NRXN1: variants seen among roughly 807,000 people sequenced by gnomAD.
NRXN1 encodes neurexin 1, also known as neurexin-1.
A neutral mutation model predicts 150.9 loss-of-function variants in NRXN1; 39 were observed. The ratio of observed to expected loss-of-function variants is 0.26; its 90% CI spans 0.20 to 0.34. The LOEUF (loss-of-function observed/expected upper bound fraction) is 0.34. Ranked by LOEUF, NRXN1 falls within the 10% of genes least tolerant of loss-of-function variation. NRXN1 has a pLI of 1.00. For missense variants in NRXN1, 1,815 were observed against 1,949.9 expected (o/e 0.93, Z 1.30); for synonymous variants, 924 against 757.0 (o/e 1.22, Z -3.62).
intron 8 of NRXN1, among the ~76,000 whole-genome samples, chr2:50,613,506 C>T (rs1445319683): frequency 6.6e-6 from 1 of 152,184 alleles, no homozygotes; most frequent in African/African-American, 2.4e-5. Flanking sequence ...AGCCTGTAGC[C>T]ACAGTCAGTC....
chr2:50,188,918 G>A (rs913992426), intron 18 of NRXN1, among the ~76,000 whole-genome samples: 1 of 152,124 alleles, frequency 6.6e-6, no homozygotes, highest in Non-Finnish European at 1.5e-5. Flanking sequence ...AACTGTTTTT[G>A]GGAGTGTAAA....
At chr2:50,560,596 T>C (rs988445762) in intron 8 of NRXN1, among the ~76,000 whole-genome samples, 4 of 151,916 alleles carry the variant, frequency 2.6e-5, no homozygotes, top group African/African-American at 9.7e-5. Context: ...CCACGCCCGG[T>C]TAATTTTGGA....
rs561017227 is a variant in NRXN1 at position 50,972,631 on chromosome 2, G to A, written c.773-46676C>T. On this transcript the variant is annotated intron_variant, in intron 2 of 22. Transcript: ENST00000401669. ...AGTGGGAGACTTAGCTTGTTTTCCT[G>A]CAACTAGATGGTCTCATCTAGGGGT... Among the ~76,000 whole-genome samples the A allele has an allele frequency of 5.3e-5, 8 of 152,078 alleles. No homozygotes were observed. In the South Asian group the frequency reaches 8.3e-4, roughly 16 times the overall value.
chr2:50,281,806 C>T (rs910305443), intron 17 of NRXN1, among the ~76,000 whole-genome samples: 2 of 152,068 alleles, frequency 1.3e-5, no homozygotes, highest in African/African-American at 4.8e-5. Flanking sequence ...AGTTTCAGTG[C>T]TCAAGAACAA....
chr2:50,484,453 C>A (rs1340331853), intron 15 of NRXN1, among the ~76,000 whole-genome samples: 1 of 152,140 alleles, frequency 6.6e-6, no homozygotes, highest in Non-Finnish European at 1.5e-5. Context: ...GATCCCTCCT[C>A]CAGGTCAGGG....
chr2:50,224,811 G>C (rs2064220112), intron 18 of NRXN1, among the ~76,000 whole-genome samples: 1 of 151,648 alleles, frequency 6.6e-6, no homozygotes, highest in Non-Finnish European at 1.5e-5. Flanking sequence ...CTACAGGACA[G>C]TTTTTTGTTT....
chr2:50,630,517 G>T (rs1311492972), intron 5 of NRXN1, among the ~76,000 whole-genome samples: 2 of 151,626 alleles, frequency 1.3e-5, no homozygotes, highest in East Asian at 1.9e-4. Context: ...TAAATAATCT[G>T]CAAGGAAATT....
At chr2:50,298,703 G>A (rs576227628) in intron 17 of NRXN1, among the ~76,000 whole-genome samples, 1 of 152,038 alleles carries the variant, frequency 6.6e-6, no homozygotes, top group Non-Finnish European at 1.5e-5. Flanking sequence ...TTTCTGCTAA[G>A]TACACAGTTG....
At chr2:50,960,523 G>A (rs1692999501) in intron 2 of NRXN1, among the ~76,000 whole-genome samples, 1 of 152,044 alleles carries the variant, frequency 6.6e-6, no homozygotes, top group South Asian at 2.1e-4. Flanking sequence ...ACCCCAAGCT[G>A]GTGAAGTTGG....
intron 18 of NRXN1, among the ~76,000 whole-genome samples, chr2:50,096,755 G>A (rs1212838414): frequency 6.6e-6 from 1 of 152,134 alleles, no homozygotes; most frequent in African/African-American, 2.4e-5. Flanking sequence ...GCTCATTTCT[G>A]AATAAAGATT....
Position 50,195,979 on chromosome 2 carries a change from T to C in NRXN1, c.3546+40810A>G, listed in dbSNP as rs2061734904. On this transcript the variant is annotated intron_variant, in intron 18 of 22. Transcript: ENST00000401669. ...TTTTATTTTTTATTTTTTAATTTTA[T>C]TTTAAGTTCTGGGGTACATGCACAG... Among the ~76,000 whole-genome samples, 4 of 152,192 alleles carry C rather than the reference T, an allele frequency of 2.6e-5. No homozygotes were observed. The South Asian group carries it at 8.3e-4, about 32-fold the overall frequency.
intron 18 of NRXN1, among the ~76,000 whole-genome samples, chr2:50,156,313 T>C (rs2059019184): frequency 6.6e-6 from 1 of 151,870 alleles, no homozygotes; most frequent in African/African-American, 2.4e-5. Flanking sequence ...ATAAGTAGGA[T>C]AGCAAGTAAT....
At chr2:50,214,184 T>C (rs940927863) in intron 18 of NRXN1, among the ~76,000 whole-genome samples, 1 of 151,956 alleles carries the variant, frequency 6.6e-6, no homozygotes, top group Admixed American at 6.6e-5. Context: ...TCTTCTTTTA[T>C]TTTAATTCAA....
intron 5 of NRXN1, among the ~76,000 whole-genome samples, chr2:50,837,683 T>C: frequency 6.6e-6 from 1 of 152,126 alleles, no homozygotes; most frequent in East Asian, 1.9e-4. Context: ...ATTTGTATTA[T>C]ATGAGATGCA....
intron 5 of NRXN1, among the ~76,000 whole-genome samples, chr2:50,708,518 C>G (rs1270482246): frequency 6.6e-6 from 1 of 152,100 alleles, no homozygotes; most frequent in African/African-American, 2.4e-5. Flanking sequence ...CTTAAAGTAC[C>G]TGGTAAAAGG....
At chr2:50,438,638 T>A (rs1572972763) in intron 17 of NRXN1, among the ~76,000 whole-genome samples, 1 of 152,342 alleles carries the variant, frequency 6.6e-6, no homozygotes, top group Non-Finnish European at 1.5e-5. Context: ...CCATGTTTTT[T>A]AATTTTTGAT....
intron 18 of NRXN1, among the ~76,000 whole-genome samples, chr2:50,200,229 C>T (rs187086987): frequency 6.6e-6 from 1 of 152,218 alleles, no homozygotes; most frequent in Admixed American, 6.5e-5. Flanking sequence ...CATTTGCTGC[C>T]TACTAGACTT....
At chr2:50,835,754 C>T (rs1672017583) in intron 5 of NRXN1, among the ~76,000 whole-genome samples, 1 of 152,052 alleles carries the variant, frequency 6.6e-6, no homozygotes, top group African/African-American at 2.4e-5. Context: ...AGTATACATA[C>T]TGTGTGGAAG....
chr2:50,475,035 A>G (rs2089877887), intron 15 of NRXN1, among the ~76,000 whole-genome samples: 1 of 152,042 alleles, frequency 6.6e-6, no homozygotes, highest in African/African-American at 2.4e-5. Flanking sequence ...TTGTGGGCTG[A>G]GATTTATAAT....
Sources: allele counts gnomAD v4.1 joint callset (sites outside exome capture counted in the v4.1 genomes callset), GRCh38; gene constraint gnomAD v4.1.1; transcripts MANE v1.5; gene names NCBI Gene and HGNC (gene_info 2026-07-23, HGNC 2026-07-21).